Variants in GATAD2B observed in about 807,000 individuals in gnomAD.
GATAD2B encodes the protein GATA zinc finger domain containing 2B.
GATAD2B carries 8 observed loss-of-function variants against 64.3 expected under a neutral mutation model. The ratio of observed to expected loss-of-function variants is 0.12; its 90% CI spans 0.07 to 0.22. The LOEUF (loss-of-function observed/expected upper bound fraction) is 0.22. GATAD2B is among the 10% of genes least tolerant of loss of function. The pLI is 1.00. For missense variants in GATAD2B, 453 were observed against 752.0 expected (o/e 0.60, Z 4.65); for synonymous variants, 281 against 271.3 (o/e 1.04, Z -0.35).
chr1:153,830,398 G>A lies in GATAD2B; in HGVS notation c.-1-2050C>T, dbSNP rs373957520. ...CTTGACCTTGTGATCTGTCTGCCTC[G>A]GCCTCCTGAAGTGCTGGGATCACAG... On this transcript the variant is annotated intron_variant, in intron 1 of 10. Coordinates refer to ENST00000368655, the MANE Select transcript of GATAD2B (RefSeq NM_020699.4). Among the ~76,000 whole-genome samples the A allele has an allele frequency of 9.1e-4, 139 of 152,066 alleles. 1 individual carries two copies. The highest frequency in any genetic ancestry group is 5.6e-3 in the South Asian group (27 of 4,810).
intron 1 of GATAD2B, among the ~76,000 whole-genome samples, chr1:153,905,490 G>A (rs1054075529): frequency 1.7e-4 from 18 of 105,216 alleles, no homozygotes; most frequent in African/African-American, 6.7e-4. Flanking sequence ...TATGTGAAAA[G>A]AAAAACCCAT....
intron 1 of GATAD2B, among the ~76,000 whole-genome samples, chr1:153,910,453 C>CT (rs1244364102): frequency 6.6e-6 from 1 of 152,088 alleles, no homozygotes; most frequent in Non-Finnish European, 1.5e-5. Flanking sequence ...ACAAAATAGG[C>CT]TTTGGGCTGG....
At chr1:153,880,231 G>A (rs548166067) in intron 1 of GATAD2B, among the ~76,000 whole-genome samples, 1 of 152,186 alleles carries the variant, frequency 6.6e-6, no homozygotes, top group South Asian at 2.1e-4. Context: ...GGGGGCCGAG[G>A]CAGGTGGATG....
intron 4 of GATAD2B, among the ~76,000 whole-genome samples, chr1:153,818,376 C>A (rs12733265): frequency 6.8e-6 from 1 of 146,822 alleles, no homozygotes; most frequent in African/African-American, 2.5e-5. Flanking sequence ...GTGCAGTGGC[C>A]TGATCTCGGC....
chr1:153,883,715 CTTTTTT>C (rs1468388606), intron 1 of GATAD2B, among the ~76,000 whole-genome samples: 2 of 139,728 alleles, frequency 1.4e-5, no homozygotes, highest in Admixed American at 1.4e-4. Context: ...TTTTTTTTTT[CTTTTTT>C]ATCAGTTTTT....
At chr1:153,903,818 A>G (rs1332267978) in intron 1 of GATAD2B, among the ~76,000 whole-genome samples, 1 of 152,084 alleles carries the variant, frequency 6.6e-6, no homozygotes, top group African/African-American at 2.4e-5. Context: ...TCCCCTCTCT[A>G]CAAAAAATAC....
At chr1:153,922,288 T>TAA (rs570451535) in intron 1 of GATAD2B, among the ~76,000 whole-genome samples, 25 of 116,212 alleles carry the variant, frequency 2.2e-4, no homozygotes, top group Admixed American at 1.7e-3. Flanking sequence ...TGGAGAGAGT[T>TAA]AAAAAAAAAA....
At chr1:153,838,512 T>C (rs1675354790) in intron 1 of GATAD2B, among the ~76,000 whole-genome samples, 1 of 152,090 alleles carries the variant, frequency 6.6e-6, no homozygotes, top group Admixed American at 6.6e-5. Context: ...CCTCTTTTTT[T>C]TTCCCCCTTT....
At position 153,819,748 on chromosome 1, in the gene GATAD2B, G is replaced by T. The variant is rs754357270; in HGVS notation, c.336-13C>A. On this transcript the variant is annotated splice_polypyrimidine_tract_variant and intron_variant, in intron 2 of 10. Transcript: ENST00000368655. ...TCGCTCTGGCTCACTAGACAAGAAA[G>T]GGAAAAAATAAGCTATTTCCAACAA... 8.9e-6 allele frequency: 14 copies of T among 1,574,194 alleles called. No individual in the cohort carries two copies. Among genetic ancestry groups the T allele is most frequent in the Non-Finnish European group, 1.1e-5 (13 of 1,166,606 alleles).
intron 1 of GATAD2B, among the ~76,000 whole-genome samples, chr1:153,846,234 T>C (rs1470980396): frequency 6.6e-6 from 1 of 152,154 alleles, no homozygotes; most frequent in Non-Finnish European, 1.5e-5. Context: ...CTGTGCTTCC[T>C]TCTTGCTATG....
At chr1:153,903,779 T>C (rs1032227611) in intron 1 of GATAD2B, among the ~76,000 whole-genome samples, 6 of 150,164 alleles carry the variant, frequency 4.0e-5, no homozygotes, top group Non-Finnish European at 8.9e-5. Context: ...AGCCTAGGAG[T>C]TGAAAATCAG....
At chr1:153,887,563 C>T (rs1280969007) in intron 1 of GATAD2B, among the ~76,000 whole-genome samples, 1 of 152,128 alleles carries the variant, frequency 6.6e-6, no homozygotes, top group Non-Finnish European at 1.5e-5. Flanking sequence ...AGTCCTGAGA[C>T]AGCATTTAAA....
chr1:153,911,690 C>A (rs1012071369), intron 1 of GATAD2B, among the ~76,000 whole-genome samples: 1 of 151,852 alleles, frequency 6.6e-6, no homozygotes, highest in Non-Finnish European at 1.5e-5. Flanking sequence ...GAGCAGAGAT[C>A]GCGCCACTGC....
chr1:153,908,802 A>G (rs1298951449), intron 1 of GATAD2B, among the ~76,000 whole-genome samples: 2 of 150,082 alleles, frequency 1.3e-5, no homozygotes, highest in East Asian at 2.0e-4. Context: ...AAAAAAAAAA[A>G]GAAAGAAAGA....
intron 1 of GATAD2B, among the ~76,000 whole-genome samples, chr1:153,909,215 A>T (rs1045851623): frequency 2.6e-5 from 4 of 151,002 alleles, no homozygotes; most frequent in African/African-American, 4.9e-5. Context: ...ATTAAAAATA[A>T]TTTTTTTTTC....
intron 2 of GATAD2B, among the ~76,000 whole-genome samples, chr1:153,821,321 T>C (rs1674677433): frequency 6.6e-6 from 1 of 152,008 alleles, no homozygotes; most frequent in African/African-American, 2.4e-5. Context: ...CCCCGATCAC[T>C]GGAATAAGCA....
intron 1 of GATAD2B, among the ~76,000 whole-genome samples, chr1:153,914,115 C>T (rs1242570185): frequency 6.7e-6 from 1 of 149,812 alleles, no homozygotes; most frequent in African/African-American, 2.5e-5. Flanking sequence ...TGGTGGCAGG[C>T]GCCTGTAATC....
chr1:153,816,664 ACTGT>A lies in GATAD2B; in HGVS notation c.901-80_901-77del. The A allele has an allele frequency of 1.0e-6, 1 of 952,952 alleles. No individual in the cohort carries two copies. Among genetic ancestry groups the A allele is most frequent in the Non-Finnish European group, 1.6e-6 (1 of 617,708 alleles). 59.0% of individuals were successfully genotyped at this position (952,952 alleles called of 1,614,324 possible). ...AATTCTTACGTTCTTGGCAGAGGACACTGTCTGATCCTGGTTTGGACTACTTAGC... is the reference window on the plus strand; with the variant it reads ...AATTCTTACGTTCTTGGCAGAGGACACTGATCCTGGTTTGGACTACTTAGC... On this transcript the variant is annotated intron_variant, in intron 6 of 10. Coordinates refer to ENST00000368655, the MANE Select transcript of GATAD2B (RefSeq NM_020699.4). This position sits in a 1 kb window ranked among gnomAD's most constrained non-coding sequence, Gnocchi z 4.9.
intron 6 of GATAD2B, 61 bp downstream of exon 6, chr1:153,817,311 G>T: frequency 7.0e-7 from 1 of 1,430,496 alleles, no homozygotes; most frequent in South Asian, 1.6e-5. Context: ...TGGCCCTTTC[G>T]ACAAGCAAAG....
Sources: gnomAD v4.1 joint callset for allele counts (sites outside exome capture counted in the v4.1 genomes callset) on GRCh38, gnomAD v4.1.1 for gene constraint, Gnocchi (gnomAD v3.1) non-coding constraint, MANE v1.5 for transcripts, NCBI Gene and HGNC (gene_info 2026-07-23, HGNC 2026-07-21) for gene names.